SLC41A3: variants seen among roughly 807,000 people sequenced by gnomAD.
SLC41A3 encodes the protein SLC41A1-like 2.
Under a neutral mutation model 45.4 loss-of-function variants are expected in SLC41A3, and 44 were observed. That is an observed-to-expected ratio of 0.97 (90% CI 0.76 to 1.25). The LOEUF (loss-of-function observed/expected upper bound fraction) is 1.25, where lower values mean the gene tolerates loss of function less well. SLC41A3 is among the 50% of genes most tolerant of loss of function. The pLI, the probability that SLC41A3 is intolerant of heterozygous loss-of-function variation, is 0.00. For missense variants in SLC41A3, 550 were observed against 600.6 expected (o/e 0.92, Z 0.88); for synonymous variants, 256 against 252.4 (o/e 1.01, Z -0.13).
intron 3 of SLC41A3, among the ~76,000 whole-genome samples, chr3:126,035,142 A>G (rs1942087784): frequency 6.6e-6 from 1 of 152,226 alleles, no homozygotes; most frequent in Non-Finnish European, 1.5e-5. Flanking sequence ...GTGTAAAGGG[A>G]TTAAGATTTC....
chr3:126,086,100 G>GA (rs906871735), upstream of SLC41A3, among the ~76,000 whole-genome samples: 47 of 149,732 alleles, frequency 3.1e-4, no homozygotes, highest in Admixed American at 7.9e-4. Context: ...CTACTTCTAA[G>GA]AAAAAAAAAG....
In SLC41A3 at chr3:126,022,884, T is replaced by C; in HGVS notation, c.647A>G (p.Asn216Ser). The change falls in exon 6 of 11, where the codon AAC (asparagine) becomes AGC (serine). Residue 216 changes from asparagine (N) to serine (S), a missense_variant. By Grantham distance (46) the Asn-to-Ser change is conservative (BLOSUM62 1). Coordinates refer to ENST00000360370, the MANE Select transcript of SLC41A3 (RefSeq NM_017836.4). ...IVIGARKLGV[N>S]PDNIATPIAA... Reference sequence around the variant, plus strand: ...AATGGGCGTGGCAATGTTGTCTGGGTTGACCCCGAGCTTTCGAGCACCAAT... The same window carrying C: ...AATGGGCGTGGCAATGTTGTCTGGGCTGACCCCGAGCTTTCGAGCACCAAT... 1 of 1,614,152 alleles carries C rather than the reference T, an allele frequency of 6.2e-7. No homozygotes were observed. Among genetic ancestry groups the C allele is most frequent in the Non-Finnish European group, 8.5e-7 (1 of 1,180,026 alleles).
chr3:126,082,362 C>T (rs1170708480), intron 1 of SLC41A3, among the ~76,000 whole-genome samples: 2 of 152,224 alleles, frequency 1.3e-5, no homozygotes, highest in Admixed American at 1.3e-4. Flanking sequence ...AATGTCTGCA[C>T]ATGGTTTTGG....
At chr3:126,046,966 A>C (rs926241151) in intron 3 of SLC41A3, among the ~76,000 whole-genome samples, 1 of 151,406 alleles carries the variant, frequency 6.6e-6, no homozygotes, top group Admixed American at 6.6e-5. Flanking sequence ...CATCTCAAAA[A>C]AAAAAAAAAA....
At chr3:126,019,189 G>A (rs1940606902) in intron 6 of SLC41A3, among the ~76,000 whole-genome samples, 1 of 152,196 alleles carries the variant, frequency 6.6e-6, no homozygotes, top group South Asian at 2.1e-4. Flanking sequence ...AACCGAGCAT[G>A]TAGCTCAGGT....
chr3:126,080,702 G>T (rs1445789655), intron 1 of SLC41A3, among the ~76,000 whole-genome samples: 1 of 152,208 alleles, frequency 6.6e-6, no homozygotes, highest in Non-Finnish European at 1.5e-5. Flanking sequence ...TGTAATCCCA[G>T]CACTTTGGGA....
chr3:126,011,471 G>A (rs564909789), intron 9 of SLC41A3, among the ~76,000 whole-genome samples: 1 of 152,340 alleles, frequency 6.6e-6, no homozygotes, highest in Non-Finnish European at 1.5e-5. Context: ...GGCTGTAACA[G>A]AGGATCTAAC....
At chr3:126,009,899 A>G (rs1343313072) in intron 9 of SLC41A3, among the ~76,000 whole-genome samples, 1 of 152,262 alleles carries the variant, frequency 6.6e-6, no homozygotes, top group African/African-American at 2.4e-5. Context: ...CTATATACAA[A>G]TAACAAGTTA....
chr3:126,011,163 A>G (rs1304288398), intron 9 of SLC41A3, among the ~76,000 whole-genome samples: 2 of 152,192 alleles, frequency 1.3e-5, no homozygotes, highest in Non-Finnish European at 1.5e-5. Context: ...TCATCATGCA[A>G]TCACAAACCC....
chr3:126,012,767 A>G lies in SLC41A3; in HGVS notation c.971-18T>C. The G allele has an allele frequency of 6.2e-7, 1 of 1,613,828 alleles. No homozygotes were observed. The highest frequency in any genetic ancestry group is 1.1e-5 in the South Asian group (1 of 91,050). ...ACCAACACCTACGAGGAGAAAAGGA[A>G]TCTGTTTTCCCTTTCTTTACGCCAG... On this transcript the variant is annotated intron_variant, in intron 8 of 10. Transcript: ENST00000360370.
intron 4 of SLC41A3, among the ~76,000 whole-genome samples, chr3:126,030,196 G>A (rs1364356911): frequency 7.5e-6 from 1 of 133,706 alleles, no homozygotes; most frequent in Non-Finnish European, 1.7e-5. Flanking sequence ...CTCAATATAT[G>A]TATATTATAA....
intron 2 of SLC41A3, among the ~76,000 whole-genome samples, chr3:126,054,617 G>A (rs1943543411): frequency 6.6e-6 from 1 of 151,408 alleles, no homozygotes; most frequent in Non-Finnish European, 1.5e-5. Flanking sequence ...CCTCTGCTTG[G>A]AATGTTCACG....
chr3:126,034,190 A>AATC (rs968089813), intron 3 of SLC41A3, among the ~76,000 whole-genome samples: 2 of 152,166 alleles, frequency 1.3e-5, no homozygotes, highest in African/African-American at 4.8e-5. Context: ...AATGACCACC[A>AATC]ATCCGCTCAA....
Position 126,006,396 on chromosome 3 carries a change from AT to A in SLC41A3, c.*619del, listed in dbSNP as rs753758181. ...ATCTGTTTTATTTTACACTTCTCTG[AT>A]TATTGAAATCTAAATAGAGGTTTTT... On this transcript the variant is annotated 3_prime_UTR_variant, in exon 11 of 11. Transcript: ENST00000360370. 1.1e-5 allele frequency: 17 copies of A among 1,607,072 alleles called. No homozygotes were observed. The African/African-American group carries it at 2.0e-4, about 19-fold the overall frequency.
At chr3:126,043,973 A>G (rs1417419715) in intron 3 of SLC41A3, among the ~76,000 whole-genome samples, 1 of 152,186 alleles carries the variant, frequency 6.6e-6, no homozygotes, top group Non-Finnish European at 1.5e-5. Flanking sequence ...AAATCCCTCA[A>G]TCAAAATACA....
At chr3:126,097,598 C>A (rs1945628959) in intron 1 of SLC41A3, among the ~76,000 whole-genome samples, 2 of 152,142 alleles carry the variant, frequency 1.3e-5, no homozygotes, top group East Asian at 1.9e-4. Flanking sequence ...GGTTTGTGGA[C>A]CCTCACTTGT....
At chr3:126,085,446 G>C (rs530198342), upstream of SLC41A3, 5 of 152,190 alleles carry the variant, frequency 3.3e-5, no homozygotes, top group African/African-American at 1.2e-4. Context: ...AACTCGGAGC[G>C]AAGATACCAG....
chr3:126,037,735 C>A (rs1942304405), intron 3 of SLC41A3, among the ~76,000 whole-genome samples: 1 of 152,112 alleles, frequency 6.6e-6, no homozygotes, highest in South Asian at 2.1e-4. Flanking sequence ...GCAGCCTGGT[C>A]CTGTGGTAGA....
intron 3 of SLC41A3, among the ~76,000 whole-genome samples, chr3:126,045,720 T>C (rs188570203): frequency 1.3e-5 from 2 of 152,262 alleles, no homozygotes; most frequent in South Asian, 2.1e-4. Flanking sequence ...CTCCATAAAC[T>C]GTCCCAAAGA....
Sources: allele counts gnomAD v4.1 joint callset (sites outside exome capture counted in the v4.1 genomes callset), GRCh38; gene constraint gnomAD v4.1.1; transcripts MANE v1.5; gene names NCBI Gene and HGNC (gene_info 2026-07-23, HGNC 2026-07-21).